The following GP1BB variants were observed in gnomAD, a reference collection of about 807,000 sequenced individuals.
GP1BB encodes the protein platelet glycoprotein Ib beta chain.
Under a neutral mutation model 2.5 loss-of-function variants are expected in GP1BB, and 3 were observed. The ratio of observed to expected loss-of-function variants is 1.22; its 90% confidence interval spans 0.56 to 3.15. GP1BB has a LOEUF of 3.15. Among genes scored for constraint, GP1BB ranks in the 30% most tolerant of loss-of-function variants. The pLI, the probability that GP1BB is intolerant of heterozygous loss-of-function variation, is 0.03. For missense variants in GP1BB, 316 were observed against 307.0 expected, an observed-to-expected ratio of 1.03 and a Z score of -0.22; for synonymous variants, 191 against 167.5, an observed-to-expected ratio of 1.14 and a Z score of -1.08.
At position 19,724,254 on chromosome 22, in the gene GP1BB, G is replaced by A. The variant is rs771966065; in HGVS notation, c.411G>A (p.Leu137=). The change falls in exon 2 of 2, where the codon CTG becomes CTA. Residue 137 remains leucine (L), a synonymous_variant. Coordinates refer to ENST00000366425, the MANE Select transcript of GP1BB (RefSeq NM_000407.5). ...TGCCCTATCTGGCCGAGGACGAGCT[G>A]CGCGCCGCTTGCGCTCCCGGCCCGC... ...RLLPYLAEDE[L]RAACAPGPLC... The A allele has an allele frequency of 7.1e-4, 886 of 1,245,512 alleles. 1 individual carries two copies. Among genetic ancestry groups the A allele is most frequent in the Non-Finnish European group, 8.1e-4 (811 of 998,894 alleles). 77.2% of individuals were successfully genotyped at this position (1,245,512 alleles called of 1,614,324 possible).
chr22:19,723,566 C>T lies in GP1BB; in HGVS notation c.-4C>T, dbSNP rs1164909984. 1.3e-6 allele frequency: 2 copies of T among 1,596,184 alleles called. No homozygotes were observed. Among genetic ancestry groups the T allele is most frequent in the East Asian group, 2.2e-5 (1 of 44,464 alleles). ...AGAGTAAGCCGGGCTGCCGTCTTCT[C>T]GCCATGGGCTCCGGTGAGTCTGGAG... On this transcript the variant is annotated 5_prime_UTR_variant, in exon 1 of 2. Transcript: ENST00000366425.
chr22:19,724,614 C>T lies in GP1BB; in HGVS notation c.*150C>T. 1 of 674,796 alleles carries T rather than the reference C, an allele frequency of 1.5e-6. No individual in the cohort carries two copies. Among genetic ancestry groups the T allele is most frequent in the Non-Finnish European group, 2.7e-6 (1 of 370,950 alleles). The allele number at this position is 674,796 out of a possible 1,614,324, so 41.8% of individuals were successfully genotyped here. A position where few individuals can be genotyped will look rare whatever the true frequency, so the allele number is the denominator to read the frequency against. On this transcript the variant is annotated 3_prime_UTR_variant, in exon 2 of 2. Coordinates refer to ENST00000366425, the MANE Select transcript of GP1BB (RefSeq NM_000407.5). Reference sequence around the variant, plus strand: ...CAATCTCTCAGACCCACCCCACCTGCAGGCCCAGACCACGTGGGACAGAAC... The same window carrying T: ...CAATCTCTCAGACCCACCCCACCTGTAGGCCCAGACCACGTGGGACAGAAC...
At chr22:19,723,748 G>A (rs1936105777) in intron 1 of GP1BB, 106 bp from the exon 2 acceptor site, 1 of 1,327,598 alleles carries the variant, frequency 7.5e-7, no homozygotes, top group Non-Finnish European at 1.0e-6. Flanking sequence ...CTACCGGGAC[G>A]CCGGGCATCA....
intron 1 of GP1BB, 137 bp from the exon 2 acceptor site, chr22:19,723,717 C>A: frequency 7.6e-7 from 1 of 1,322,518 alleles, no homozygotes; most frequent in South Asian, 1.3e-5. Flanking sequence ...GCGGGGTGGT[C>A]AGGGTGGAGA....
chr22:19,723,550 C>G lies in GP1BB; in HGVS notation c.-20C>G. 1 of 1,590,758 alleles carries G rather than the reference C, an allele frequency of 6.3e-7. No homozygotes were observed. The highest frequency in any genetic ancestry group is 8.5e-7 in the Non-Finnish European group (1 of 1,173,640). On this transcript the variant is annotated 5_prime_UTR_variant, in exon 1 of 2. Transcript: ENST00000366425. ...CTACGCCTCCCGCTGCAGAGTAAGCCGGGCTGCCGTCTTCTCGCCATGGGC... is the reference window on the plus strand; with the variant it reads ...CTACGCCTCCCGCTGCAGAGTAAGCGGGGCTGCCGTCTTCTCGCCATGGGC...
chr22:19,724,264 T>C lies in GP1BB; in HGVS notation c.421T>C (p.Cys141Arg). Residue 141 changes from cysteine to arginine, a missense_variant, in exon 2 of 2, where the codon TGC becomes CGC. By Grantham distance (180) the Cys-to-Arg change is radical. Transcript: ENST00000366425. ...GGCCGAGGACGAGCTGCGCGCCGCT[T>C]GCGCTCCCGGCCCGCTCTGCTGGGG... The part of the protein sequence containing the change: ...YLAEDELRAA[C>R]APGPLCWGAL... 5 of 1,250,110 alleles carry C rather than the reference T, an allele frequency of 4.0e-6. No homozygotes were observed. The highest frequency in any genetic ancestry group is 5.0e-6 in the Non-Finnish European group (5 of 1,001,378). 77.4% of individuals were successfully genotyped at this position (1,250,110 alleles called of 1,614,324 possible).
At position 19,723,880 on chromosome 22, in the gene GP1BB, C is replaced by T; in HGVS notation, c.37C>T (p.Leu13Phe). The change falls in exon 2 of 2, where the codon CTC becomes TTC. Residue 13 changes from leucine to phenylalanine, a missense_variant. Physicochemically the swap from Leu to Phe is conservative, Grantham distance 22. Coordinates refer to ENST00000366425, the MANE Select transcript of GP1BB (RefSeq NM_000407.5). ...SGPRGALSLL[L>F]LLLAPPSRPA... ...GCCGCGCGGGGCGCTGAGCTTACTG[C>T]TCCTGCTGCTGGCCCCGCCGAGCCG... 1.3e-6 allele frequency: 2 copies of T among 1,522,972 alleles called. No individual in the cohort carries two copies. Among genetic ancestry groups the T allele is most frequent in the Non-Finnish European group, 8.8e-7 (1 of 1,142,132 alleles). The allele number at this position is 1,522,972 out of a possible 1,614,324, so 94.3% of individuals were successfully genotyped here.
Position 19,724,549 on chromosome 22 carries a change from CT to C in GP1BB, c.*86del. The C allele has an allele frequency of 1.0e-6, 1 of 977,028 alleles. No individual in the cohort carries two copies. The highest frequency in any genetic ancestry group is 1.6e-6 in the Non-Finnish European group (1 of 629,574). The allele number at this position is 977,028 out of a possible 1,614,324, so 60.5% of individuals were successfully genotyped here. ...TCGACAGGACCCTGCCCGAGGGGCC[CT>C]CGCGCCAACCTGGACCGGTCCCCGC... is the stretch of plus-strand genomic sequence containing the variant. On this transcript the variant is annotated 3_prime_UTR_variant, in exon 2 of 2. Transcript: ENST00000366425.
At chr22:19,723,774 C>T (rs1051891419) in intron 1 of GP1BB, 80 bp from the exon 2 acceptor site, 36 of 1,398,958 alleles carry the variant, frequency 2.6e-5, no homozygotes, top group Non-Finnish European at 3.4e-5. Flanking sequence ...TGGATGGAGC[C>T]GGGCCGGCAG....
Position 19,723,794 on chromosome 22 carries a change from T to C in GP1BB, c.11-60T>C. On this transcript the variant is annotated intron_variant, in intron 1 of 1. Coordinates refer to ENST00000366425, the MANE Select transcript of GP1BB (RefSeq NM_000407.5). ...GGAGCCGGGCCGGCAGTCTGGGTAC[T>C]CAGAGATGTCGCCCAGGTGCCCGCC... 2.7e-6 allele frequency: 4 copies of C among 1,457,604 alleles called. No homozygotes were observed. The South Asian group carries it at 5.2e-5, about 19-fold the overall frequency. 90.3% of individuals were successfully genotyped at this position (1,457,604 alleles called of 1,614,324 possible).
Position 19,724,539 on chromosome 22 carries a change from C to A in GP1BB, c.*75C>A. The stretch of plus-strand genomic sequence containing the variant: ...GCCTGCAAACTCGACAGGACCCTGC[C>A]CGAGGGGCCCTCGCGCCAACCTGGA... On this transcript the variant is annotated 3_prime_UTR_variant, in exon 2 of 2. Coordinates refer to ENST00000366425, the MANE Select transcript of GP1BB (RefSeq NM_000407.5). 1 of 1,054,906 alleles carries A rather than the reference C, an allele frequency of 9.5e-7. No homozygotes were observed. Among genetic ancestry groups the A allele is most frequent in the Non-Finnish European group, 1.4e-6 (1 of 699,374 alleles). 65.3% of individuals were successfully genotyped at this position (1,054,906 alleles called of 1,614,324 possible).
intron 1 of GP1BB, 30 bp downstream of exon 1, chr22:19,723,609 C>A: frequency 6.3e-7 from 1 of 1,592,416 alleles, no homozygotes; most frequent in Non-Finnish European, 8.5e-7. Flanking sequence ...GGGCCCCCGG[C>A]TGCTCCCTAG....
rs918451472 is a variant in GP1BB at position 19,724,497 on chromosome 22, G to A, written c.*33G>A. 2 of 1,412,382 alleles carry A rather than the reference G, an allele frequency of 1.4e-6. No homozygotes were observed. The highest frequency in any genetic ancestry group is 1.4e-5 in the African/African-American group (1 of 70,270). 87.5% of individuals were successfully genotyped at this position (1,412,382 alleles called of 1,614,324 possible). ...ACCGGTGCGTCCTGAGGAGAGAACC[G>A]GCGCTGGGCAACACGGGCCTGCAAA... On this transcript the variant is annotated 3_prime_UTR_variant, in exon 2 of 2. Coordinates refer to ENST00000366425, the MANE Select transcript of GP1BB (RefSeq NM_000407.5).
rs1213854373 is a variant in GP1BB at position 19,724,335 on chromosome 22, C to G, written c.492C>G (p.His164Gln). 1 of 1,452,000 alleles carries G rather than the reference C, an allele frequency of 6.9e-7. No individual in the cohort carries two copies. The highest frequency in any genetic ancestry group is 9.0e-7 in the Non-Finnish European group (1 of 1,106,880). 89.9% of individuals were successfully genotyped at this position (1,452,000 alleles called of 1,614,324 possible). A position where few individuals can be genotyped will look rare whatever the true frequency, so the allele number is the denominator to read the frequency against. The change falls in exon 2 of 2, where the codon CAC becomes CAG. Residue 164 changes from histidine to glutamine, a missense_variant. Coordinates refer to ENST00000366425, the MANE Select transcript of GP1BB (RefSeq NM_000407.5). ...QLALLGLGLL[H>Q]ALLLVLLLCR... is the part of the protein sequence containing the mutation. ...CGCTGCTGGGCCTTGGGCTGCTGCA[C>G]GCGTTGCTGCTGGTGCTGCTGCTGT...
At chr22:19,723,787 T>TGGGTACTCAGAGATGTCGCC in intron 1 of GP1BB, 67 bp from the exon 2 acceptor site, 1 of 1,437,344 alleles carries the variant, frequency 7.0e-7, no homozygotes, top group Non-Finnish European at 9.3e-7. Flanking sequence ...GCCGGCAGTC[T>TGGGTACTCAGAGATGTCGCC]GGGTACTCAG....
In GP1BB at chr22:19,723,960, C is replaced by T. The variant is rs779459067; in HGVS notation, c.117C>T (p.Cys39=). The T allele has an allele frequency of 6.6e-7, 1 of 1,523,424 alleles. No individual in the cohort carries two copies. The highest frequency in any genetic ancestry group is 2.0e-5 in the Admixed American group (1 of 50,384). The allele number at this position is 1,523,424 out of a possible 1,614,324, so 94.4% of individuals were successfully genotyped here. The change falls in exon 2 of 2, where the codon TGC becomes TGT. Residue 39 remains cysteine (C), a synonymous_variant. Coordinates refer to ENST00000366425, the MANE Select transcript of GP1BB (RefSeq NM_000407.5). ...PCSCAGTLVD[C]GRRGLTWASL... ...GCTGCGCGGGGACGCTCGTGGACTG[C>T]GGGCGCCGCGGGCTGACTTGGGCCT...
rs1242342511 is a variant in GP1BB at position 19,723,549 on chromosome 22, C to T, written c.-21C>T. On this transcript the variant is annotated 5_prime_UTR_variant, in exon 1 of 2. Coordinates refer to ENST00000366425, the MANE Select transcript of GP1BB (RefSeq NM_000407.5). ...CCTACGCCTCCCGCTGCAGAGTAAG[C>T]CGGGCTGCCGTCTTCTCGCCATGGG... 6.3e-7 allele frequency: 1 copy of T among 1,589,886 alleles called. No individual in the cohort carries two copies. Among genetic ancestry groups the T allele is most frequent in the African/African-American group, 1.3e-5 (1 of 74,798 alleles).
Position 19,723,949 on chromosome 22 carries a change from C to G in GP1BB, c.106C>G (p.Leu36Val). The change falls in exon 2 of 2, where the codon CTC (leucine) becomes GTC (valine). Residue 36 changes from leucine to valine, a missense_variant. Physicochemically the swap from Leu to Val is conservative, Grantham distance 32. Transcript: ENST00000366425. ...CPAPCSCAGT[L>V]VDCGRRGLTW... Reference sequence around the variant, plus strand: ...GGCGCCCTGTAGCTGCGCGGGGACGCTCGTGGACTGCGGGCGCCGCGGGCT... The same window carrying G: ...GGCGCCCTGTAGCTGCGCGGGGACGGTCGTGGACTGCGGGCGCCGCGGGCT... 6.6e-7 allele frequency: 1 copy of G among 1,523,166 alleles called. No homozygotes were observed. Among genetic ancestry groups the G allele is most frequent in the Non-Finnish European group, 8.8e-7 (1 of 1,142,146 alleles). The allele number at this position is 1,523,166 out of a possible 1,614,324, so 94.4% of individuals were successfully genotyped here. A position where few individuals can be genotyped will look rare whatever the true frequency, so the allele number is the denominator to read the frequency against.
chr22:19,724,546 G>A lies in GP1BB; in HGVS notation c.*82G>A. Reference sequence around the variant, plus strand: ...AACTCGACAGGACCCTGCCCGAGGGGCCCTCGCGCCAACCTGGACCGGTCC... The same window carrying A: ...AACTCGACAGGACCCTGCCCGAGGGACCCTCGCGCCAACCTGGACCGGTCC... On this transcript the variant is annotated 3_prime_UTR_variant, in exon 2 of 2. Coordinates refer to ENST00000366425, the MANE Select transcript of GP1BB (RefSeq NM_000407.5). 4 of 995,744 alleles carry A rather than the reference G, an allele frequency of 4.0e-6. No individual in the cohort carries two copies. Among genetic ancestry groups the A allele is most frequent in the South Asian group, 2.7e-5 (2 of 73,032 alleles). The allele number at this position is 995,744 out of a possible 1,614,324, so 61.7% of individuals were successfully genotyped here. A position where few individuals can be genotyped will look rare whatever the true frequency, so the allele number is the denominator to read the frequency against.
Sources: allele counts gnomAD v4.1 joint callset, GRCh38; gene constraint gnomAD v4.1.1; transcripts MANE v1.5; gene names NCBI Gene and HGNC (gene_info 2026-07-23, HGNC 2026-07-21).